Variants in TMBIM6 observed in about 807,000 individuals in gnomAD.
TMBIM6 encodes bax inhibitor 1.
In TMBIM6, 13 loss-of-function variants were observed where a neutral mutation model predicts 31.4. The ratio of observed to expected loss-of-function variants is 0.41; its 90% CI spans 0.27 to 0.66. The LOEUF (loss-of-function observed/expected upper bound fraction) is 0.66, where lower values mean the gene tolerates loss of function less well. Ranked by LOEUF, TMBIM6 falls within the 30% of genes least tolerant of loss-of-function variation. The pLI, the probability that TMBIM6 is intolerant of heterozygous loss-of-function variation, is 0.28. For synonymous variants in TMBIM6, 85 were observed against 101.7 expected (o/e 0.84, Z 0.99); for missense variants, 275 against 289.5 (o/e 0.95, Z 0.36).
intron 7 of TMBIM6, chr12:49,758,991 C>T: frequency 1.6e-6 from 1 of 624,374 alleles, no homozygotes; most frequent in Non-Finnish European, 2.8e-6. Flanking sequence ...TAAGGCCAGT[C>T]TGGCAGTGGC....
intron 4 of TMBIM6, among the ~76,000 whole-genome samples, chr12:49,757,254 CT>C (rs1314189316): frequency 6.6e-6 from 1 of 152,204 alleles, no homozygotes; most frequent in East Asian, 1.9e-4. Flanking sequence ...TGTGACTCTA[CT>C]TTTGTGTCCA....
intron 1 of TMBIM6, among the ~76,000 whole-genome samples, chr12:49,750,140 G>T (rs2136938296): frequency 1.3e-5 from 2 of 152,214 alleles, no homozygotes; most frequent in East Asian, 3.9e-4. Flanking sequence ...TGTTAAGAGA[G>T]AACCAGAAAG....
intron 4 of TMBIM6, 53 bp downstream of exon 4, chr12:49,755,808 T>G: frequency 6.4e-7 from 1 of 1,552,596 alleles, no homozygotes; most frequent in African/African-American, 1.4e-5. Flanking sequence ...TTTCAGTATC[T>G]CTTAATTAGT....
chr12:49,744,629 AG>A (rs1945357275), intron 1 of TMBIM6: 1 of 152,164 alleles, frequency 6.6e-6, no homozygotes, highest in African/African-American at 2.4e-5. Flanking sequence ...TTTGCTCTAG[AG>A]ACTTTGTAGT....
At chr12:49,762,187 AGTT>A (rs1426577207) in intron 9 of TMBIM6, 2 of 170,874 alleles carry the variant, frequency 1.2e-5, no homozygotes, top group Non-Finnish European at 2.5e-5. Context: ...TATCTAACGT[AGTT>A]GAGTCAAGCA....
Position 49,753,021 on chromosome 12 carries a change from C to G in TMBIM6, c.105C>G (p.Ala35=), listed in dbSNP as rs1945523670. The part of the protein sequence containing the change: ...QHLKKVYASF[A]LCMFVAAAGA... ...TGAAGAAGGTCTATGCAAGTTTTGC[C>G]CTTTGTATGTTTGTGGCGGCTGCAG... The change falls in exon 3 of 10, where the codon GCC becomes GCG. Residue 35 remains alanine (A), a synonymous_variant. Transcript: ENST00000267115. 6.2e-7 allele frequency: 1 copy of G among 1,613,846 alleles called. No homozygotes were observed. Among genetic ancestry groups the G allele is most frequent in the South Asian group, 1.1e-5 (1 of 91,082 alleles).
intron 2 of TMBIM6, 76 bp downstream of exon 2, chr12:49,752,625 C>A: frequency 7.8e-7 from 1 of 1,274,978 alleles, no homozygotes; most frequent in Non-Finnish European, 1.1e-6. Context: ...GCATTTATAA[C>A]TTTTGTGTGT....
intron 4 of TMBIM6, among the ~76,000 whole-genome samples, chr12:49,756,756 G>T (rs1945605674): frequency 1.5e-5 from 2 of 136,674 alleles, no homozygotes; most frequent in South Asian, 4.7e-4. Context: ...TTTTTTTTGA[G>T]ACTGAGTTTC....
intron 4 of TMBIM6, among the ~76,000 whole-genome samples, chr12:49,757,429 A>C (rs1945625543): frequency 6.6e-6 from 1 of 152,256 alleles, no homozygotes; most frequent in Non-Finnish European, 1.5e-5. Flanking sequence ...TCTTACAGAC[A>C]GTGCATTAAA....
At chr12:49,748,850 T>G (rs1041435752) in intron 1 of TMBIM6, among the ~76,000 whole-genome samples, 4 of 152,200 alleles carry the variant, frequency 2.6e-5, no homozygotes, top group African/African-American at 9.7e-5. Flanking sequence ...GTAATGTACT[T>G]TTTTTCTTTA....
chr12:49,752,842 A>G, intron 2 of TMBIM6, 131 bp from the exon 3 acceptor site: 1 of 893,732 alleles, frequency 1.1e-6, no homozygotes, highest in South Asian at 1.8e-5. Context: ...ATGCTTTCCT[A>G]AAAGTATTTC....
At chr12:49,761,367 C>CA (rs1165364069) in intron 8 of TMBIM6, among the ~76,000 whole-genome samples, 2 of 152,180 alleles carry the variant, frequency 1.3e-5, no homozygotes, top group Admixed American at 1.3e-4. Flanking sequence ...GCACATGCCA[C>CA]AATGCCCTGC....
In TMBIM6 at chr12:49,759,340, C is replaced by CT; in HGVS notation, c.614+22dup. On this transcript the variant is annotated intron_variant, in intron 8 of 9. Transcript: ENST00000267115. ...ATATCTGGTGAGTGTGGGAACTAGT[C>CT]TTTAACAAGCATGAAGGTTGAGGCA... 1 of 1,593,764 alleles carries CT rather than the reference C, an allele frequency of 6.3e-7. No homozygotes were observed. The highest frequency in any genetic ancestry group is 8.6e-7 in the Non-Finnish European group (1 of 1,161,742).
intron 2 of TMBIM6, 134 bp downstream of exon 2, chr12:49,752,683 ATG>A (rs1378817648): frequency 1.3e-6 from 1 of 790,354 alleles, no homozygotes; most frequent in African/African-American, 1.7e-5. Flanking sequence ...CCTGATGAAA[ATG>A]TCCAAATTCT....
Position 49,761,919 on chromosome 12 carries a change from A to C in TMBIM6, c.690+140A>C, listed in dbSNP as rs542179329. ...AAGGCAGGCCACTGAGTAAGAGGTA[A>C]GCCAGAAGTCTTCAGTTGTTAGAAA... On this transcript the variant is annotated intron_variant, in intron 9 of 9. Transcript: ENST00000267115. 12 of 743,536 alleles carry C rather than the reference A, an allele frequency of 1.6e-5. No homozygotes were observed. The African/African-American group carries it at 2.2e-4, about 14-fold the overall frequency. The allele number at this position is 743,536 out of a possible 1,614,324, so 46.1% of individuals were successfully genotyped here.
At chr12:49,754,996 G>T (rs1440761254) in intron 3 of TMBIM6, among the ~76,000 whole-genome samples, 1 of 152,052 alleles carries the variant, frequency 6.6e-6, no homozygotes, top group Non-Finnish European at 1.5e-5. Context: ...CACTCTTGTT[G>T]CCCAGGCTGA....
At chr12:49,745,735 A>AAAAAAAACAAAAAAAAAC (rs375099364) in intron 1 of TMBIM6, among the ~76,000 whole-genome samples, 55 of 150,612 alleles carry the variant, frequency 3.7e-4, no homozygotes, top group African/African-American at 1.3e-3. Context: ...AAAAAAAAAA[A>AAAAAAAACAAAAAAAAAC]CCCAGCACAT....
chr12:49,743,628 C>T lies in TMBIM6; in HGVS notation c.-31+2017C>T, dbSNP rs540815369. On this transcript the variant is annotated intron_variant, in intron 1 of 9. Transcript: ENST00000267115. ...TTTCCCTGATTATAGATATAGTTCG[C>T]GCTCTTTATACAAATGCTGAAAATG... is the stretch of plus-strand genomic sequence containing the variant. 5.3e-5 allele frequency: 8 copies of T among 152,244 alleles called. No homozygotes were observed. The East Asian group carries it at 9.7e-4, about 18-fold the overall frequency. 9.4% of individuals were successfully genotyped at this position (152,244 alleles called of 1,614,324 possible). A position where few individuals can be genotyped will look rare whatever the true frequency, so the allele number is the denominator to read the frequency against.
At position 49,759,577 on chromosome 12, in the gene TMBIM6, A is replaced by G. The variant is rs578005419; in HGVS notation, c.614+256A>G. Reference sequence around the variant, plus strand: ...CCTAGCACTTTGGGAGGCTGAGGCCACTGGATCGCTTGAGCTCAGAAGTTT... The same window carrying G: ...CCTAGCACTTTGGGAGGCTGAGGCCGCTGGATCGCTTGAGCTCAGAAGTTT... On this transcript the variant is annotated intron_variant, in intron 8 of 9. Transcript: ENST00000267115. Among the ~76,000 whole-genome samples, 170 of 152,098 alleles carry G rather than the reference A, an allele frequency of 1.1e-3. 1 individual carries two copies. The highest frequency in any genetic ancestry group is 3.9e-3 in the African/African-American group (161 of 41,510).
Sources: allele counts gnomAD v4.1 joint callset (sites outside exome capture counted in the v4.1 genomes callset), GRCh38; gene constraint gnomAD v4.1.1; transcripts MANE v1.5; gene names NCBI Gene and HGNC (gene_info 2026-07-23, HGNC 2026-07-21).